The following ABCD3 variants were observed in gnomAD, a reference collection of about 807,000 sequenced individuals.
ABCD3 encodes ATP binding cassette subfamily D member 3.
A neutral mutation model predicts 105.5 loss-of-function variants in ABCD3; 41 were observed. That is an observed-to-expected ratio of 0.39 (90% CI 0.30 to 0.50). The LOEUF (loss-of-function observed/expected upper bound fraction) is 0.50, where lower values mean the gene tolerates loss of function less well. Ranked by LOEUF, ABCD3 falls within the 20% of genes least tolerant of loss-of-function variation. The pLI is 0.84. For synonymous variants in ABCD3, 258 were observed against 269.0 expected, an observed-to-expected ratio of 0.96 and a Z score of 0.40; for missense variants, 622 against 806.3, an observed-to-expected ratio of 0.77 and a Z score of 2.77.
chr1:94,399,967 C>G, the ABCD3 span, among the ~76,000 whole-genome samples: 1 of 152,152 alleles, frequency 6.6e-6, no homozygotes, highest in South Asian at 2.1e-4. Context: ...GATTGGATCA[C>G]TTGAGCCCAG....
At chr1:94,485,215 A>C (rs557809991) in intron 10 of ABCD3, among the ~76,000 whole-genome samples, 37 of 152,264 alleles carry the variant, frequency 2.4e-4, no homozygotes, top group African/African-American at 8.7e-4. Flanking sequence ...ATTTGAATTC[A>C]AGTACTTTTA....
chr1:94,442,490 T>C (rs1447155953), intron 1 of ABCD3, among the ~76,000 whole-genome samples: 6 of 152,172 alleles, frequency 3.9e-5, no homozygotes, highest in African/African-American at 1.4e-4. Context: ...GGTTTAAATA[T>C]ATTTAGGAGG....
Position 94,498,598 on chromosome 1 carries a change from TCAG to T in ABCD3, c.1387-3_1387-1del. On this transcript the variant is annotated splice_acceptor_variant and splice_polypyrimidine_tract_variant and intron_variant, in intron 16 of 22. Coordinates refer to ENST00000370214, the MANE Select transcript of ABCD3 (RefSeq NM_002858.4). LOFTEE classifies it high-confidence loss of function. ...TCACAGACTGATTTTTTTTTTTTTT[TCAG>T]GTTCGATCTGGGGCTAATGTTCTAA... The T allele has an allele frequency of 1.9e-6, 3 of 1,612,762 alleles. No individual in the cohort carries two copies. The highest frequency in any genetic ancestry group is 2.5e-6 in the Non-Finnish European group (3 of 1,179,662).
chr1:94,484,638 G>C (rs1000415872), intron 10 of ABCD3, among the ~76,000 whole-genome samples: 1 of 152,144 alleles, frequency 6.6e-6, no homozygotes, highest in Non-Finnish European at 1.5e-5. Flanking sequence ...GCCTGTTGTG[G>C]GGTGGGGGCC....
At chr1:94,481,276 T>C (rs1358634525) in intron 9 of ABCD3, among the ~76,000 whole-genome samples, 1 of 152,232 alleles carries the variant, frequency 6.6e-6, no homozygotes, top group Admixed American at 6.5e-5. Flanking sequence ...CTGTTAATGT[T>C]AAGTCATTTT....
intron 16 of ABCD3, among the ~76,000 whole-genome samples, chr1:94,493,775 T>C (rs1199043355): frequency 1.3e-5 from 2 of 152,138 alleles, no homozygotes; most frequent in East Asian, 3.9e-4. Context: ...AAAAAAATGA[T>C]GAGTTCATGT....
intron 16 of ABCD3, among the ~76,000 whole-genome samples, chr1:94,493,179 AT>A (rs2101030091): frequency 6.6e-6 from 1 of 151,962 alleles, no homozygotes; most frequent in South Asian, 2.1e-4. Context: ...ATGGGAGAAA[AT>A]TTTCGCAACC....
At chr1:94,455,361 T>C (rs1647499308) in intron 1 of ABCD3, among the ~76,000 whole-genome samples, 1 of 151,966 alleles carries the variant, frequency 6.6e-6, no homozygotes, top group South Asian at 2.1e-4. Context: ...GTTTTGCTCT[T>C]ATTGCCCAGG....
chr1:94,453,697 C>CT (rs1647384397), intron 1 of ABCD3, among the ~76,000 whole-genome samples: 1 of 149,648 alleles, frequency 6.7e-6, no homozygotes, highest in Non-Finnish European at 1.5e-5. Flanking sequence ...GATAAGAAGT[C>CT]TTTTACCTTT....
chr1:94,412,313 T>G, the ABCD3 span, among the ~76,000 whole-genome samples: 1 of 152,182 alleles, frequency 6.6e-6, no homozygotes, highest in African/African-American at 2.4e-5. Flanking sequence ...TCATGAGTAT[T>G]TTTCCAAAGA....
chr1:94,483,408 A>T (rs1649121290), intron 10 of ABCD3, among the ~76,000 whole-genome samples, 169 bp downstream of exon 10: 1 of 152,208 alleles, frequency 6.6e-6, no homozygotes, highest in Admixed American at 6.5e-5. Flanking sequence ...TGCATTTTTA[A>T]TAAAAAATAT....
At chr1:94,450,318 C>T (rs1329019615) in intron 1 of ABCD3, among the ~76,000 whole-genome samples, 1 of 152,140 alleles carries the variant, frequency 6.6e-6, no homozygotes, top group Non-Finnish European at 1.5e-5. Context: ...GGGAACAGGC[C>T]CCCCAAATCT....
At chr1:94,484,541 A>G (rs1649186566) in intron 10 of ABCD3, among the ~76,000 whole-genome samples, 1 of 152,164 alleles carries the variant, frequency 6.6e-6, no homozygotes, top group Non-Finnish European at 1.5e-5. Flanking sequence ...CAAGGACGGA[A>G]AACCAAACAC....
In ABCD3 at chr1:94,489,724, G is replaced by A; in HGVS notation, c.1158-1G>A. 1 of 1,611,052 alleles carries A rather than the reference G, an allele frequency of 6.2e-7. No homozygotes were observed. Among genetic ancestry groups the A allele is most frequent in the Non-Finnish European group, 8.5e-7 (1 of 1,177,822 alleles). On this transcript the variant is annotated splice_acceptor_variant, in intron 13 of 22. Coordinates refer to ENST00000370214, the MANE Select transcript of ABCD3 (RefSeq NM_002858.4). LOFTEE classifies it high-confidence loss of function. ...TATGGTTTCCTTTTCTAAAATTTTAGTTTTACTGCTCGGATTACAGAATTA... is the reference window on the plus strand; with the variant it reads ...TATGGTTTCCTTTTCTAAAATTTTAATTTTACTGCTCGGATTACAGAATTA...
At chr1:94,414,036 G>A (rs1168913917), upstream of ABCD3, among the ~76,000 whole-genome samples, 3 of 152,126 alleles carry the variant, frequency 2.0e-5, no homozygotes, top group African/African-American at 7.2e-5. Flanking sequence ...ATATTCAAGG[G>A]AAGACTACAG....
chr1:94,407,433 A>G, the ABCD3 span, among the ~76,000 whole-genome samples: 1 of 152,190 alleles, frequency 6.6e-6, no homozygotes, highest in African/African-American at 2.4e-5. Flanking sequence ...TACCAAGCAC[A>G]AGGGGTGTCT....
At chr1:94,433,148 G>A (rs942356406) in intron 1 of ABCD3, among the ~76,000 whole-genome samples, 2 of 148,190 alleles carry the variant, frequency 1.3e-5, no homozygotes, top group South Asian at 2.1e-4. Flanking sequence ...AAGCCACAAC[G>A]CCCAGCCTTT....
chr1:94,489,299 T>A (rs1649418091), intron 13 of ABCD3, among the ~76,000 whole-genome samples: 1 of 152,110 alleles, frequency 6.6e-6, no homozygotes, highest in African/African-American at 2.4e-5. Context: ...GCATTCGGCA[T>A]ACATTTAATA....
chr1:94,425,332 C>T (rs1168367221), intron 1 of ABCD3, among the ~76,000 whole-genome samples: 1 of 152,144 alleles, frequency 6.6e-6, no homozygotes, highest in African/African-American at 2.4e-5. Context: ...TCATTTAAAG[C>T]ATACCTCTTT....
Sources: gnomAD v4.1 joint callset for allele counts (sites outside exome capture counted in the v4.1 genomes callset) on GRCh38, gnomAD v4.1.1 for gene constraint, MANE v1.5 for transcripts, NCBI Gene and HGNC (gene_info 2026-07-23, HGNC 2026-07-21) for gene names.